Variants in OPCML observed in about 807,000 individuals in gnomAD.
OPCML encodes opioid-binding protein/cell adhesion molecule.
In OPCML, 13 loss-of-function variants were observed where a neutral mutation model predicts 37.8. The ratio of observed to expected loss-of-function variants is 0.34; its 90% CI spans 0.22 to 0.55. OPCML has a LOEUF of 0.55. Ranked by LOEUF, OPCML falls within the 20% of genes least tolerant of loss-of-function variation. The pLI, the probability that OPCML is intolerant of heterozygous loss-of-function variation, is 0.91. For missense variants in OPCML, 341 were observed against 435.6 expected, an observed-to-expected ratio of 0.78 and a Z score of 1.93; for synonymous variants, 176 against 168.8, an observed-to-expected ratio of 1.04 and a Z score of -0.33.
intron 1 of OPCML, among the ~76,000 whole-genome samples, chr11:133,286,813 G>T (rs1942312480): frequency 6.6e-6 from 1 of 152,222 alleles, no homozygotes; most frequent in South Asian, 2.1e-4. Flanking sequence ...AGAAAACCAT[G>T]CTGGATAAAT....
chr11:132,485,283 C>T (rs1311926884), intron 4 of OPCML, among the ~76,000 whole-genome samples: 2 of 151,984 alleles, frequency 1.3e-5, no homozygotes, highest in Admixed American at 1.3e-4. Flanking sequence ...TATGACAGTC[C>T]AGGACTGGGG....
rs533348441 is a variant in OPCML, at chr11:133,212,764, C to A, written c.62-269754G>T. Among the ~76,000 whole-genome samples the A allele has an allele frequency of 4.8e-4, 73 of 152,270 alleles. No homozygotes were observed. The highest frequency in any genetic ancestry group is 1.7e-3 in the African/African-American group (70 of 41,540). On this transcript the variant is annotated intron_variant, in intron 1 of 7. Transcript: ENST00000524381. This position sits in a 1 kb window ranked among gnomAD's most constrained non-coding sequence, Gnocchi z 4.9. ...TGTTTGAATGAATGAAGGGATTTCCCAGCAGCTTTCAGACCCCTTGGGACC... is the reference window on the plus strand; with the variant it reads ...TGTTTGAATGAATGAAGGGATTTCCAAGCAGCTTTCAGACCCCTTGGGACC...
chr11:132,989,235 A>G (rs1430312457), intron 1 of OPCML, among the ~76,000 whole-genome samples: 4 of 152,208 alleles, frequency 2.6e-5, no homozygotes, highest in Admixed American at 2.6e-4. Context: ...GGTTCAGCCT[A>G]GTCACCAACA....
At chr11:132,950,071 G>A (rs1486689454) in intron 1 of OPCML, among the ~76,000 whole-genome samples, 1 of 152,224 alleles carries the variant, frequency 6.6e-6, no homozygotes, top group Non-Finnish European at 1.5e-5. Flanking sequence ...AGCAGCAGAT[G>A]AAGGTGCAGC....
chr11:132,532,114 T>C (rs968663097), intron 3 of OPCML, among the ~76,000 whole-genome samples: 4 of 152,150 alleles, frequency 2.6e-5, no homozygotes. Flanking sequence ...TTAAGAGATA[T>C]GTAAAATTCC....
chr11:133,373,232 CA>C (rs1188914742), intron 1 of OPCML, among the ~76,000 whole-genome samples: 3 of 151,138 alleles, frequency 2.0e-5, no homozygotes, highest in African/African-American at 2.4e-5. Context: ...GGGGAGATTA[CA>C]AAAAAACTTT....
chr11:133,185,298 C>T (rs1938021131), intron 1 of OPCML, among the ~76,000 whole-genome samples: 4 of 152,192 alleles, frequency 2.6e-5, no homozygotes, highest in Admixed American at 1.3e-4. Context: ...TATTTGATTT[C>T]CCACACTAAA....
intron 1 of OPCML, among the ~76,000 whole-genome samples, chr11:133,401,702 G>A (rs1299213220): frequency 6.6e-6 from 1 of 152,116 alleles, no homozygotes; most frequent in Non-Finnish European, 1.5e-5. Context: ...AAGGACTCAA[G>A]AATAGCTGAG....
At chr11:133,143,625 C>G (rs1251462141) in intron 1 of OPCML, among the ~76,000 whole-genome samples, 1 of 152,178 alleles carries the variant, frequency 6.6e-6, no homozygotes, top group South Asian at 2.1e-4. Flanking sequence ...AAGCCCTTCC[C>G]CATATCTCAT....
intron 2 of OPCML, among the ~76,000 whole-genome samples, chr11:132,807,354 A>G (rs11223218): frequency 0.22 from 33,895 of 152,116 alleles, 4,778 homozygotes; most frequent in Non-Finnish European, 0.33. Context: ...AGATCTCCCA[A>G]ATATTAAAAG....
At chr11:133,429,742 AT>A (rs1488400794) in intron 1 of OPCML, among the ~76,000 whole-genome samples, 1 of 152,212 alleles carries the variant, frequency 6.6e-6, no homozygotes, top group Non-Finnish European at 1.5e-5. Context: ...GTAAGTTTCC[AT>A]TAGCTGAGTT....
chr11:132,625,098 T>C (rs893466844), intron 3 of OPCML, among the ~76,000 whole-genome samples: 1 of 152,166 alleles, frequency 6.6e-6, no homozygotes, highest in South Asian at 2.1e-4. Flanking sequence ...TGGAATACTT[T>C]TATTTATGTT....
chr11:132,941,799 C>G (rs1238461237), intron 2 of OPCML, among the ~76,000 whole-genome samples: 1 of 152,198 alleles, frequency 6.6e-6, no homozygotes, highest in Non-Finnish European at 1.5e-5. Flanking sequence ...AATCTTCACC[C>G]TTGGGCTTAG....
intron 4 of OPCML, among the ~76,000 whole-genome samples, chr11:132,468,986 G>A (rs1390988911): frequency 6.6e-6 from 1 of 152,130 alleles, no homozygotes; most frequent in Non-Finnish European, 1.5e-5. Flanking sequence ...CTTGCCTTCT[G>A]TATGTTATTG....
chr11:132,490,407 C>T (rs1275226553), intron 4 of OPCML, among the ~76,000 whole-genome samples: 3 of 152,044 alleles, frequency 2.0e-5, no homozygotes, highest in Non-Finnish European at 4.4e-5. Context: ...CCAATGTTTG[C>T]TTGGTGAAGA....
chr11:133,103,189 A>G (rs1240547530), intron 1 of OPCML, among the ~76,000 whole-genome samples: 4 of 152,188 alleles, frequency 2.6e-5, no homozygotes, highest in Non-Finnish European at 5.9e-5. Flanking sequence ...TTAGGCTTGT[A>G]TTAAATCATT....
chr11:132,956,866 C>T (rs895699809), intron 1 of OPCML, among the ~76,000 whole-genome samples: 2 of 152,110 alleles, frequency 1.3e-5, no homozygotes, highest in Non-Finnish European at 2.9e-5. Context: ...CATGGTGGCT[C>T]ACAGCTATAA....
At chr11:133,054,399 AC>A (rs1043044304) in intron 1 of OPCML, among the ~76,000 whole-genome samples, 40 of 152,148 alleles carry the variant, frequency 2.6e-4, no homozygotes, top group Admixed American at 1.5e-3. Flanking sequence ...TTGTCACTGT[AC>A]CCCAGCCACA....
At chr11:133,163,657 T>C (rs146090283) in intron 1 of OPCML, among the ~76,000 whole-genome samples, 56 of 152,360 alleles carry the variant, frequency 3.7e-4, no homozygotes, top group African/African-American at 1.3e-3. Flanking sequence ...GTGGTTCCTT[T>C]TTCTCCAAAC....
Sources: allele counts gnomAD v4.1 joint callset (sites outside exome capture counted in the v4.1 genomes callset), GRCh38; gene constraint gnomAD v4.1.1; non-coding constraint Gnocchi (gnomAD v3.1); transcripts MANE v1.5; gene names NCBI Gene and HGNC (gene_info 2026-07-23, HGNC 2026-07-21).